MERTK: variants seen among roughly 807,000 people sequenced by gnomAD.
MERTK encodes MER proto-oncogene, tyrosine kinase.
A neutral mutation model predicts 99.3 loss-of-function variants in MERTK; 69 were observed. The observed-to-expected ratio is 0.70, with a 90% CI of 0.57 to 0.85. The LOEUF is 0.85. Among genes scored for constraint, MERTK ranks in the 40% least tolerant of loss-of-function variants. MERTK has a pLI of 0.00. For missense variants in MERTK, 1,125 were observed against 1,249.4 expected, an observed-to-expected ratio of 0.90 and a Z score of 1.50; for synonymous variants, 426 against 467.6, an observed-to-expected ratio of 0.91 and a Z score of 1.15.
In MERTK at chr2:112,009,995, A is replaced by G; in HGVS notation, c.2008A>G (p.Ile670Val). 6.2e-7 allele frequency: 1 copy of G among 1,613,950 alleles called. No homozygotes were observed. Among genetic ancestry groups the G allele is most frequent in the Middle Eastern group, 1.7e-4 (1 of 6,060 alleles). The change falls in exon 15 of 19, where the codon ATT becomes GTT. Residue 670 changes from isoleucine to valine, a missense_variant. Physicochemically the swap from Ile to Val is conservative, Grantham distance 29. Transcript: ENST00000295408. ...TCAAGGCATCCCAAAGCCCATGGTA[A>G]TTTTACCCTTCATGAAATACGGGGA... Reference protein sequence around the residue: ...SSQGIPKPMVILPFMKYGDLH... With the variant: ...SSQGIPKPMVVLPFMKYGDLH...
At position 111,990,371 on chromosome 2, in the gene MERTK, A is replaced by G. The variant is rs61029483; in HGVS notation, c.1297-3880A>G. Among the ~76,000 whole-genome samples the G allele has an allele frequency of 1.3e-3, 197 of 152,266 alleles. 2 individuals are homozygous for G. The East Asian group carries it at 0.036, about 28-fold the overall frequency. On this transcript the variant is annotated intron_variant, in intron 8 of 18. Coordinates refer to ENST00000295408, the MANE Select transcript of MERTK (RefSeq NM_006343.3). ...ATAATTCCACCCCTAAAATGTGATA[A>G]CCCTTGACCATCTCCAAAATGTGTG...
chr2:111,954,937 A>T (rs142375147), intron 4 of MERTK, among the ~76,000 whole-genome samples: 1 of 152,248 alleles, frequency 6.6e-6, no homozygotes, highest in Admixed American at 6.5e-5. Flanking sequence ...TTTAATTTTG[A>T]GGAAGCTTTA....
chr2:111,980,458 G>T lies in MERTK; in HGVS notation c.1145-2384G>T, dbSNP rs367934330. Among the ~76,000 whole-genome samples the T allele has an allele frequency of 1.9e-4, 23 of 124,120 alleles. No homozygotes were observed. The South Asian group carries it at 5.5e-3, about 30-fold the overall frequency. 81.4% of individuals were successfully genotyped at this position (124,120 alleles called of 152,430 possible). ...TTTTGAGACGGAGTCTCGCTCTTTC[G>T]CCCAGGCCGGACTGCAGTGGCACAA... is the stretch of plus-strand genomic sequence containing the variant. On this transcript the variant is annotated intron_variant, in intron 7 of 18. Transcript: ENST00000295408.
rs61421614 is a variant in MERTK at position 111,930,217 on chromosome 2, A to C, written c.482+677A>C. ...TCACCCTGGCCATGTGGGGCTTTTT[A>C]AACAGTGCAATTGCTTGAGCTAGAG... On this transcript the variant is annotated intron_variant, in intron 2 of 18. Transcript: ENST00000295408. 3.9e-3 allele frequency: 590 copies of C among 152,558 alleles called. 33 individuals are homozygous for C. The East Asian group carries it at 0.1, about 26-fold the overall frequency. 9.5% of individuals were successfully genotyped at this position (152,558 alleles called of 1,614,324 possible). A position where few individuals can be genotyped will look rare whatever the true frequency, so the allele number is the denominator to read the frequency against.
intron 4 of MERTK, among the ~76,000 whole-genome samples, chr2:111,962,264 T>G (rs1685264518): frequency 6.6e-6 from 1 of 152,130 alleles, no homozygotes; most frequent in Non-Finnish European, 1.5e-5. Context: ...TCCTAGCGTT[T>G]TAGGAGGCCA....
At chr2:111,948,026 T>G (rs530631800) in intron 4 of MERTK, among the ~76,000 whole-genome samples, 5 of 152,256 alleles carry the variant, frequency 3.3e-5, no homozygotes, top group Non-Finnish European at 4.4e-5. Context: ...ATGGTCGTCT[T>G]GATTTCCATC....
intron 18 of MERTK, among the ~76,000 whole-genome samples, chr2:112,025,871 G>A (rs1165747086): frequency 2.0e-5 from 3 of 152,158 alleles, no homozygotes; most frequent in African/African-American, 4.8e-5. Flanking sequence ...CATTCACACT[G>A]TTGTATAACC....
chr2:111,968,459 A>C (rs1573607951), intron 6 of MERTK, among the ~76,000 whole-genome samples: 1 of 152,074 alleles, frequency 6.6e-6, no homozygotes, highest in East Asian at 1.9e-4. Context: ...TGCAGGATTC[A>C]GGGCTCAGTC....
intron 13 of MERTK, 80 bp downstream of exon 13, chr2:112,004,064 A>C: frequency 2.6e-5 from 33 of 1,275,198 alleles, no homozygotes; most frequent in African/African-American, 4.4e-5. Flanking sequence ...GCCATATGTC[A>C]CAATCTCAGT....
intron 18 of MERTK, among the ~76,000 whole-genome samples, chr2:112,023,663 C>G (rs1035767990): frequency 1.3e-5 from 2 of 152,160 alleles, no homozygotes; most frequent in African/African-American, 4.8e-5. Flanking sequence ...CTTTGCTGAC[C>G]TTATTAAAAT....
intron 2 of MERTK, among the ~76,000 whole-genome samples, chr2:111,938,359 A>T (rs1684800254): frequency 6.6e-6 from 1 of 152,098 alleles, no homozygotes; most frequent in African/African-American, 2.4e-5. Flanking sequence ...AGCCTCCCAC[A>T]GTCTACTTTC....
intron 2 of MERTK, among the ~76,000 whole-genome samples, chr2:111,943,896 GC>G: frequency 6.6e-6 from 1 of 152,234 alleles, no homozygotes; most frequent in East Asian, 1.9e-4. Flanking sequence ...AACCCATGGA[GC>G]CCCCCTAGTC....
intron 4 of MERTK, among the ~76,000 whole-genome samples, chr2:111,961,156 CTTTT>C (rs1052197732): frequency 1.0e-5 from 1 of 98,082 alleles, no homozygotes; most frequent in African/African-American, 3.9e-5. Flanking sequence ...AATTTTCTTT[CTTTT>C]TTTTTTTTTT....
rs1194301843 is a variant in MERTK, at chr2:111,950,721, CTT to C, written c.757+3159_757+3160del. Among the ~76,000 whole-genome samples the C allele has an allele frequency of 2.7e-4, 41 of 152,264 alleles. 1 individual carries two copies. On this transcript the variant is annotated intron_variant, in intron 4 of 18. Coordinates refer to ENST00000295408, the MANE Select transcript of MERTK (RefSeq NM_006343.3). ...TTGTGCTTATTAATCAGTCATGTCTCTTTTTTGGTGAAGCGTCACTTCAGGTC... is the reference window on the plus strand; with the variant it reads ...TTGTGCTTATTAATCAGTCATGTCTCTTTTGGTGAAGCGTCACTTCAGGTC...
chr2:111,954,295 C>G (rs1228499378), intron 4 of MERTK, among the ~76,000 whole-genome samples: 1 of 152,208 alleles, frequency 6.6e-6, no homozygotes, highest in Admixed American at 6.5e-5. Context: ...TTCTCATTGT[C>G]TGGCAAACCC....
intron 1 of MERTK, among the ~76,000 whole-genome samples, chr2:111,928,001 A>G (rs1411463380): frequency 6.6e-6 from 1 of 152,222 alleles, no homozygotes; most frequent in Non-Finnish European, 1.5e-5. Context: ...AATGCCACTC[A>G]GAAAGCTAAA....
At chr2:111,992,254 GTT>G (rs1402472990) in intron 8 of MERTK, among the ~76,000 whole-genome samples, 2 of 152,066 alleles carry the variant, frequency 1.3e-5, no homozygotes, top group Non-Finnish European at 1.5e-5. Flanking sequence ...TCCAATCACA[GTT>G]CTACATGGTT....
intron 1 of MERTK, among the ~76,000 whole-genome samples, chr2:111,904,379 CTT>C (rs11464692): frequency 0.24 from 34,543 of 144,088 alleles, 4,242 homozygotes; most frequent in South Asian, 0.33. Flanking sequence ...CCAGAAAATT[CTT>C]TTTTTTTTTT....
At chr2:112,012,056 G>T (rs1677116642) in intron 15 of MERTK, among the ~76,000 whole-genome samples, 1 of 152,236 alleles carries the variant, frequency 6.6e-6, no homozygotes, top group East Asian at 1.9e-4. Context: ...GGGGTGTGGT[G>T]TCTGCGCACA....
Sources: allele counts gnomAD v4.1 joint callset (sites outside exome capture counted in the v4.1 genomes callset), GRCh38; gene constraint gnomAD v4.1.1; transcripts MANE v1.5; gene names NCBI Gene and HGNC (gene_info 2026-07-23, HGNC 2026-07-21).